The following SPATA16 variants were observed in gnomAD, a reference collection of about 807,000 sequenced individuals.
SPATA16 encodes the protein spermatogenesis-associated protein 16.
Under a neutral mutation model 63.3 loss-of-function variants are expected in SPATA16, and 36 were observed. That is an observed-to-expected ratio of 0.57 (90% CI 0.44 to 0.75). SPATA16 has a LOEUF of 0.75. Among genes scored for constraint, SPATA16 ranks in the 30% least tolerant of loss-of-function variants. SPATA16 has a pLI of 0.00. For missense variants in SPATA16, 646 were observed against 679.3 expected (o/e 0.95, Z 0.54); for synonymous variants, 203 against 216.7 (o/e 0.94, Z 0.56).
chr3:172,917,209 C>T (rs1385524209), intron 8 of SPATA16, among the ~76,000 whole-genome samples: 1 of 152,122 alleles, frequency 6.6e-6, no homozygotes, highest in Non-Finnish European at 1.5e-5. Context: ...CTGCCATCCA[C>T]AAAAGAGGAG....
At chr3:172,952,905 A>T (rs1375713616) in intron 6 of SPATA16, among the ~76,000 whole-genome samples, 1 of 145,286 alleles carries the variant, frequency 6.9e-6, no homozygotes, top group East Asian at 2.0e-4. Flanking sequence ...TCACCACTGC[A>T]CTACAGCCTG....
Position 173,075,306 on chromosome 3 carries a change from G to A in SPATA16, c.613-26212C>T, listed in dbSNP as rs889142274. Among the ~76,000 whole-genome samples the A allele has an allele frequency of 6.6e-5, 10 of 152,154 alleles. No individual in the cohort carries two copies. The South Asian group carries it at 1.5e-3, about 22-fold the overall frequency. ...CTGCTGAGGATGGATGTGTAAAAAG[G>A]GAAACCCTTGTACACAGTTGGTGAG... On this transcript the variant is annotated intron_variant, in intron 2 of 10. Transcript: ENST00000351008.
chr3:173,009,279 G>A lies in SPATA16; in HGVS notation c.848+10207C>T, dbSNP rs559864246. On this transcript the variant is annotated intron_variant, in intron 4 of 10. Transcript: ENST00000351008. ...TCACCAAGGAAGCAATACACAACAG[G>A]ACCCAAAAGAGAGGAGCAAAGCAGG... Among the ~76,000 whole-genome samples, 124 of 152,290 alleles carry A rather than the reference G, an allele frequency of 8.1e-4. 1 individual carries two copies. The highest frequency in any genetic ancestry group is 2.9e-3 in the African/African-American group (121 of 41,566).
At chr3:172,999,156 C>A (rs374223399) in intron 4 of SPATA16, among the ~76,000 whole-genome samples, 1 of 152,034 alleles carries the variant, frequency 6.6e-6, no homozygotes, top group Non-Finnish European at 1.5e-5. Flanking sequence ...AACCAGTGAA[C>A]CCATTTTGGC....
rs377067021 is a variant in SPATA16, at chr3:173,054,276, A to G, written c.613-5182T>C. ...AAAAAACACAGGACCCAGCAACCCCATTACTGGGTATATACCCAAAGGAAT... is the reference window on the plus strand; with the variant it reads ...AAAAAACACAGGACCCAGCAACCCCGTTACTGGGTATATACCCAAAGGAAT... On this transcript the variant is annotated intron_variant, in intron 2 of 10. Transcript: ENST00000351008. 8.5e-5 allele frequency among the ~76,000 whole-genome samples: 13 copies of G among 152,306 alleles called. No homozygotes were observed. The East Asian group carries it at 2.1e-3, about 25-fold the overall frequency.
At chr3:173,018,436 G>A (rs1735245467) in intron 4 of SPATA16, among the ~76,000 whole-genome samples, 1 of 151,984 alleles carries the variant, frequency 6.6e-6, no homozygotes, top group Admixed American at 6.6e-5. Flanking sequence ...CACCATGCCA[G>A]GCTAATTTTT....
At chr3:172,981,238 G>A (rs1451300717) in intron 4 of SPATA16, among the ~76,000 whole-genome samples, 1 of 152,012 alleles carries the variant, frequency 6.6e-6, no homozygotes, top group Non-Finnish European at 1.5e-5. Context: ...CTGGATTACT[G>A]CAACGGCCTC....
chr3:172,927,078 A>G (rs979979816), intron 6 of SPATA16, among the ~76,000 whole-genome samples: 1 of 152,140 alleles, frequency 6.6e-6, no homozygotes, highest in Non-Finnish European at 1.5e-5. Flanking sequence ...TTTTTTTAAC[A>G]CCATTCCCCT....
chr3:173,009,552 A>G (rs1047842498), intron 4 of SPATA16, among the ~76,000 whole-genome samples: 2 of 152,194 alleles, frequency 1.3e-5, no homozygotes, highest in African/African-American at 4.8e-5. Flanking sequence ...AGCACCCTAG[A>G]GCCAGCTACA....
intron 1 of SPATA16, among the ~76,000 whole-genome samples, chr3:173,123,708 A>T (rs1738148312): frequency 6.7e-6 from 1 of 149,956 alleles, no homozygotes; most frequent in Non-Finnish European, 1.5e-5. Context: ...GGTTCAAGTG[A>T]TTCTCCTGCC....
chr3:172,921,827 A>G (rs1732621188), intron 8 of SPATA16, among the ~76,000 whole-genome samples: 1 of 152,216 alleles, frequency 6.6e-6, no homozygotes. Flanking sequence ...TTTATAAATG[A>G]GAAAAAAATA....
intron 2 of SPATA16, among the ~76,000 whole-genome samples, chr3:173,109,954 T>C (rs1737709181): frequency 6.6e-6 from 1 of 152,232 alleles, no homozygotes; most frequent in Admixed American, 6.5e-5. Flanking sequence ...AGATTTGTAT[T>C]ATTTAATCAG....
chr3:172,961,063 CT>C (rs1553786381), intron 5 of SPATA16, among the ~76,000 whole-genome samples: 346 of 28,758 alleles, frequency 0.012, 21 homozygotes, highest in African/African-American at 0.034. Flanking sequence ...TTCTTTCTTT[CT>C]TCTTTCTTCC....
chr3:172,890,619 C>T (rs1475174829), intron 10 of SPATA16, among the ~76,000 whole-genome samples: 1 of 151,994 alleles, frequency 6.6e-6, no homozygotes, highest in African/African-American at 2.4e-5. Context: ...TTTTAAATTG[C>T]TTGATTTATC....
chr3:173,056,838 G>GT (rs1736242812), intron 2 of SPATA16, among the ~76,000 whole-genome samples: 1 of 148,668 alleles, frequency 6.7e-6, no homozygotes, highest in South Asian at 2.2e-4. Context: ...AAAAAATAAT[G>GT]TTTTTTAAAT....
chr3:173,062,935 T>C (rs1289752003), intron 2 of SPATA16, among the ~76,000 whole-genome samples: 3 of 152,208 alleles, frequency 2.0e-5, no homozygotes, highest in Non-Finnish European at 4.4e-5. Flanking sequence ...ATGCCCCCGC[T>C]GATCTGACAG....
intron 4 of SPATA16, among the ~76,000 whole-genome samples, chr3:173,016,136 A>T (rs551413065): frequency 6.6e-6 from 1 of 152,312 alleles, no homozygotes; most frequent in South Asian, 2.1e-4. Context: ...CCGCAATGTG[A>T]CTAGCATCCC....
intron 10 of SPATA16, among the ~76,000 whole-genome samples, chr3:172,901,281 C>A (rs1286380566): frequency 6.6e-6 from 1 of 152,146 alleles, no homozygotes; most frequent in Non-Finnish European, 1.5e-5. Context: ...ATCACTGCAA[C>A]CTCCACCTCC....
At chr3:172,913,455 A>C (rs1732414516) in intron 10 of SPATA16, among the ~76,000 whole-genome samples, 1 of 152,226 alleles carries the variant, frequency 6.6e-6, no homozygotes, top group Non-Finnish European at 1.5e-5. Context: ...ATATGAACAC[A>C]GCCTGTTGGA....
Sources: allele counts gnomAD v4.1 joint callset (sites outside exome capture counted in the v4.1 genomes callset), GRCh38; gene constraint gnomAD v4.1.1; transcripts MANE v1.5; gene names NCBI Gene and HGNC (gene_info 2026-07-23, HGNC 2026-07-21).